Variants in SLC22A9 observed in about 807,000 individuals in gnomAD.
SLC22A9 encodes organic anion transporter 7.
Under a neutral mutation model 50.1 loss-of-function variants are expected in SLC22A9, and 64 were observed. The ratio of observed to expected loss-of-function variants is 1.28; its 90% CI spans 1.04 to 1.57. The LOEUF (loss-of-function observed/expected upper bound fraction) is 1.57, where lower values mean the gene tolerates loss of function less well. SLC22A9 is among the 40% of genes most tolerant of loss of function. The pLI is 0.00. For missense variants in SLC22A9, 757 were observed against 676.1 expected (o/e 1.12, Z -1.33); for synonymous variants, 261 against 242.5 (o/e 1.08, Z -0.71).
intron 6 of SLC22A9, among the ~76,000 whole-genome samples, chr11:63,405,657 A>T (rs1243264963): frequency 6.6e-6 from 1 of 152,146 alleles, no homozygotes; most frequent in Non-Finnish European, 1.5e-5. Context: ...CATTTTAGTG[A>T]CATTTCTGAT....
At chr11:63,388,005 G>A (rs906848733) in intron 6 of SLC22A9, among the ~76,000 whole-genome samples, 2 of 151,940 alleles carry the variant, frequency 1.3e-5, no homozygotes, top group African/African-American at 4.8e-5. Flanking sequence ...GTATCCTGCA[G>A]CTTCACTGAA....
Position 63,369,987 on chromosome 11 carries a change from A to C in SLC22A9, c.-70A>C. ...TTAGTGTGACTTAGGGAAAGAAAAC[A>C]TTTTCCCTCTTTGAACCTCTCTGGA... is the stretch of plus-strand genomic sequence containing the variant. On this transcript the variant is annotated 5_prime_UTR_variant, in exon 1 of 10. Transcript: ENST00000279178. 6.9e-7 allele frequency: 1 copy of C among 1,455,950 alleles called. No homozygotes were observed. The allele number at this position is 1,455,950 out of a possible 1,614,324, so 90.2% of individuals were successfully genotyped here.
chr11:63,393,340 A>T (rs1432179749), intron 6 of SLC22A9, among the ~76,000 whole-genome samples: 1 of 152,122 alleles, frequency 6.6e-6, no homozygotes. Context: ...TTAATTTTGT[A>T]TCTGGAAACT....
Position 63,409,939 on chromosome 11 carries a change from A to G in SLC22A9, c.*77A>G, listed in dbSNP as rs2015110553. 2.6e-6 allele frequency: 4 copies of G among 1,520,716 alleles called. No individual in the cohort carries two copies. In the Admixed American group the frequency reaches 6.8e-5, roughly 26 times the overall value. 94.2% of individuals were successfully genotyped at this position (1,520,716 alleles called of 1,614,324 possible). ...AGGACTATTCCTAGACACTAGCAAA[A>G]TCTAGAAAATAAATAACAAGGCTGG... On this transcript the variant is annotated 3_prime_UTR_variant, in exon 10 of 10. Coordinates refer to ENST00000279178, the MANE Select transcript of SLC22A9 (RefSeq NM_080866.3).
At chr11:63,382,633 A>G (rs2014586638) in intron 6 of SLC22A9, among the ~76,000 whole-genome samples, 1 of 152,174 alleles carries the variant, frequency 6.6e-6, no homozygotes, top group Non-Finnish European at 1.5e-5. Context: ...ATACAGCTCA[A>G]TGATTATTTC....
chr11:63,397,257 C>T (rs974881996), intron 6 of SLC22A9, among the ~76,000 whole-genome samples: 4 of 152,190 alleles, frequency 2.6e-5, no homozygotes, highest in Admixed American at 2.0e-4. Flanking sequence ...TACTGAGCTG[C>T]CTCGAGCTGG....
At position 63,406,645 on chromosome 11, in the gene SLC22A9, G is replaced by C. The variant is rs1347473063; in HGVS notation, c.1222G>C (p.Ala408Pro). The C allele has an allele frequency of 1.2e-6, 2 of 1,613,752 alleles. No individual in the cohort carries two copies. Among genetic ancestry groups the C allele is most frequent in the Admixed American group, 3.3e-5 (2 of 59,922 alleles). Reference sequence around the variant, plus strand: ...GGCACTGAAATACATGAACCGTCGAGCAAGCCAGATGCTTCTCATGTTCCT... The same window carrying C: ...GGCACTGAAATACATGAACCGTCGACCAAGCCAGATGCTTCTCATGTTCCT... The part of the protein sequence containing the change: ...PWALKYMNRR[A>P]SQMLLMFLLA... Residue 408 changes from alanine (A) to proline (P), a missense_variant, in exon 7 of 10, where the codon GCA becomes CCA. Ala to Pro is a conservative substitution (Grantham distance 27). Coordinates refer to ENST00000279178, the MANE Select transcript of SLC22A9 (RefSeq NM_080866.3).
At chr11:63,381,579 G>A (rs55827727) in intron 5 of SLC22A9, among the ~76,000 whole-genome samples, 1,675 of 152,214 alleles carry the variant, frequency 0.011, 35 homozygotes, top group African/African-American at 0.039. Flanking sequence ...TTTATGGGTA[G>A]CTGAGGGTAT....
In SLC22A9 at chr11:63,370,171, A is replaced by C; in HGVS notation, c.115A>C (p.Asn39His). Reference sequence around the variant, plus strand: ...TACATACCTTCATTTTATGCTGGAGAACTTCACTGCATTCATACCTGGCCA... The same window carrying C: ...TACATACCTTCATTTTATGCTGGAGCACTTCACTGCATTCATACCTGGCCA... ...VATYLHFMLE[N>H]FTAFIPGHRC... The change falls in exon 1 of 10, where the codon AAC (asparagine) becomes CAC (histidine). Residue 39 changes from asparagine (N) to histidine (H), a missense_variant. Asn to His is a moderately conservative substitution (Grantham distance 68). Transcript: ENST00000279178. 6.2e-7 allele frequency: 1 copy of C among 1,613,976 alleles called. No homozygotes were observed. The highest frequency in any genetic ancestry group is 8.5e-7 in the Non-Finnish European group (1 of 1,179,932).
intron 6 of SLC22A9, among the ~76,000 whole-genome samples, chr11:63,384,317 AGT>A (rs2014622480): frequency 6.6e-6 from 1 of 152,068 alleles, no homozygotes; most frequent in South Asian, 2.1e-4. Flanking sequence ...AACAGGTCCC[AGT>A]GTGTGTTGTT....
chr11:63,404,174 A>G (rs1023481510), intron 6 of SLC22A9, among the ~76,000 whole-genome samples: 3 of 152,184 alleles, frequency 2.0e-5, no homozygotes, highest in East Asian at 3.8e-4. Flanking sequence ...AAAAAGAAAG[A>G]AAAAGGTCAT....
At chr11:63,374,492 A>T (rs2014425817) in intron 4 of SLC22A9, among the ~76,000 whole-genome samples, 2 of 152,084 alleles carry the variant, frequency 1.3e-5, no homozygotes, top group Non-Finnish European at 2.9e-5. Context: ...ATACTAAAAC[A>T]TTTTCCTGCT....
rs1304813330 is a variant in SLC22A9 at position 63,382,160 on chromosome 11, T to C, written c.956T>C (p.Ile319Thr). Residue 319 changes from isoleucine to threonine, a missense_variant and splice_region_variant, in exon 6 of 10, where the codon ATT becomes ACT. Ile to Thr is a moderately conservative substitution (Grantham distance 89). Coordinates refer to ENST00000279178, the MANE Select transcript of SLC22A9 (RefSeq NM_080866.3). ...KNARDTLTLE[I>T]LKSTMKKELE... Reference sequence around the variant, plus strand: ...TTATTGTTTCTGCTATTGTTGAAGATTTTGAAATCCACCATGAAAAAAGAA... The same window carrying C: ...TTATTGTTTCTGCTATTGTTGAAGACTTTGAAATCCACCATGAAAAAAGAA... 4 of 1,604,394 alleles carry C rather than the reference T, an allele frequency of 2.5e-6. No individual in the cohort carries two copies. In the South Asian group the frequency reaches 3.4e-5, roughly 14 times the overall value.
Position 63,382,200 on chromosome 11 carries a change from A to G in SLC22A9, c.996A>G (p.Gln332=), listed in dbSNP as rs1801633. Reference sequence around the variant, plus strand: ...TGAAAAAAGAACTGGAGGCAGCACAAAAAAAAAAACCTTCTCTGTGTGAAA... The same window carrying G: ...TGAAAAAAGAACTGGAGGCAGCACAGAAAAAAAAACCTTCTCTGTGTGAAA... The part of the protein sequence containing the change: ...STMKKELEAA[Q]KKKPSLCEML... The change falls in exon 6 of 10, where the codon CAA becomes CAG. Residue 332 remains glutamine, a synonymous_variant. Transcript: ENST00000279178. The G allele has an allele frequency of 1.9e-6, 3 of 1,583,994 alleles. No individual in the cohort carries two copies. Among genetic ancestry groups the G allele is most frequent in the Middle Eastern group, 3.3e-4 (2 of 5,994 alleles).
chr11:63,384,977 A>C (rs1193880056), intron 6 of SLC22A9, among the ~76,000 whole-genome samples: 2 of 151,644 alleles, frequency 1.3e-5, no homozygotes, highest in Admixed American at 1.3e-4. Context: ...CCCACTTTTC[A>C]ATGGAGTTTT....
rs750361059 is a variant in SLC22A9 at position 63,410,238 on chromosome 11, C to CAAAAAAAAAAAAAAAAAAAAAAAAAAAA, written c.*398_*399insAAAAAAAAAAAAAAAAAAAAAAAAAAAA. ...GCCTGGTGACAGAGCGAGACTGTCTCAAAAAAAAAAAAAAAAAAAAAAGAA... is the reference window on the plus strand; with the variant it reads ...GCCTGGTGACAGAGCGAGACTGTCTCAAAAAAAAAAAAAAAAAAAAAAAAAAAAAAAAAAAAAAAAAAAAAAAAAAGAA... On this transcript the variant is annotated 3_prime_UTR_variant, in exon 10 of 10. Transcript: ENST00000279178. The CAAAAAAAAAAAAAAAAAAAAAAAAAAAA allele has an allele frequency of 1.2e-4, 4 of 34,406 alleles. No homozygotes were observed. Among genetic ancestry groups the CAAAAAAAAAAAAAAAAAAAAAAAAAAAA allele is most frequent in the African/African-American group, 5.8e-4 (4 of 6,928 alleles). 2.1% of individuals were successfully genotyped at this position (34,406 alleles called of 1,614,324 possible).
intron 7 of SLC22A9, 89 bp downstream of exon 7, chr11:63,406,800 G>A (rs1255209433): frequency 1.4e-6 from 2 of 1,385,356 alleles, no homozygotes; most frequent in Non-Finnish European, 9.8e-7. Flanking sequence ...AGCCAAGAAG[G>A]AAAGGGAGAA....
chr11:63,404,763 G>T (rs1831278737), intron 6 of SLC22A9, among the ~76,000 whole-genome samples: 1 of 152,092 alleles, frequency 6.6e-6, no homozygotes, highest in Admixed American at 6.5e-5. Context: ...TGCCCTTGGG[G>T]CTCTTATCCG....
chr11:63,381,396 C>G (rs2014557694), intron 5 of SLC22A9, among the ~76,000 whole-genome samples: 1 of 152,148 alleles, frequency 6.6e-6, no homozygotes, highest in South Asian at 2.1e-4. Flanking sequence ...ATGCTTCATT[C>G]CATAACTGAA....
Sources: gnomAD v4.1 joint callset for allele counts (sites outside exome capture counted in the v4.1 genomes callset) on GRCh38, gnomAD v4.1.1 for gene constraint, MANE v1.5 for transcripts, NCBI Gene and HGNC (gene_info 2026-07-23, HGNC 2026-07-21) for gene names.